The following CNEP1R1 variants were observed in gnomAD, a reference collection of about 807,000 sequenced individuals.
The protein encoded by CNEP1R1 is nuclear envelope phosphatase-regulatory subunit 1.
A neutral mutation model predicts 22.7 loss-of-function variants in CNEP1R1; 10 were observed. That is an observed-to-expected ratio of 0.44 (90% confidence interval 0.27 to 0.75). The LOEUF is 0.75. Among genes scored for constraint, CNEP1R1 ranks in the 30% least tolerant of loss-of-function variants. The probability of loss-of-function intolerance (pLI) is 0.17; values close to 1 mark genes in which losing one functional copy is unlikely to be tolerated. For synonymous variants in CNEP1R1, 53 were observed against 50.1 expected (o/e 1.06, Z -0.25); for missense variants, 73 against 151.5 (o/e 0.48, Z 2.72).
chr16:50,029,852 G>A (rs565729310), intron 3 of CNEP1R1, 54 bp downstream of exon 3: 2 of 1,003,240 alleles, frequency 2.0e-6, no homozygotes, highest in South Asian at 2.6e-5. Context: ...AATGGATATT[G>A]TAGTGCTTTG....
rs150062829 is a variant in CNEP1R1, at chr16:50,036,601, C to G, written c.*1143C>G. On this transcript the variant is annotated 3_prime_UTR_variant, in exon 6 of 6. Coordinates refer to ENST00000427478, the MANE Select transcript of CNEP1R1 (RefSeq NM_001281789.2). ...GTGTTGCACAGGTGTAATTGGTCAT[C>G]CTATGCCTTCACCAGAATAACTTGG... 6.6e-6 allele frequency: 1 copy of G among 152,316 alleles called. No homozygotes were observed. The highest frequency in any genetic ancestry group is 1.5e-5 in the Non-Finnish European group (1 of 68,048). The allele number at this position is 152,316 out of a possible 1,614,324, so 9.4% of individuals were successfully genotyped here. A position where few individuals can be genotyped will look rare whatever the true frequency, so the allele number is the denominator to read the frequency against.
intron 2 of CNEP1R1, among the ~76,000 whole-genome samples, chr16:50,027,156 C>G (rs561081966): frequency 6.6e-6 from 1 of 151,960 alleles, no homozygotes; most frequent in Non-Finnish European, 1.5e-5. Flanking sequence ...ATAATCCCAG[C>G]ACTTTGGGAG....
chr16:50,028,661 G>A (rs1362633), intron 2 of CNEP1R1, among the ~76,000 whole-genome samples: 94,716 of 151,996 alleles, frequency 0.62, 31,055 homozygotes, highest in South Asian at 0.72. Flanking sequence ...CATGGTCTTA[G>A]CACTTACTTG....
chr16:50,034,189 C>T, intron 5 of CNEP1R1, 33 bp downstream of exon 5: 1 of 1,480,214 alleles, frequency 6.8e-7, no homozygotes, highest in Non-Finnish European at 9.3e-7. Flanking sequence ...AATTATAGAC[C>T]TGCATGAAAA....
In CNEP1R1 at chr16:50,029,780, A is replaced by G; in HGVS notation, c.153A>G (p.Ile51Met). The G allele has an allele frequency of 6.2e-7, 1 of 1,602,476 alleles. No homozygotes were observed. Among genetic ancestry groups the G allele is most frequent in the African/African-American group, 1.3e-5 (1 of 74,820 alleles). ...CTACTGGTGCCTGGAACTGGTTAAT[A>G]GACCCTGAGACACAAAAGGTAGAAG... ...CTATGAWNWLIDPETQKVSFF... is the reference protein window; with the variant it reads ...CTATGAWNWLMDPETQKVSFF... The change falls in exon 3 of 6, where the codon ATA becomes ATG. Residue 51 changes from isoleucine (I) to methionine (M), a missense_variant. Ile to Met is a conservative substitution (Grantham distance 10). Coordinates refer to ENST00000427478, the MANE Select transcript of CNEP1R1 (RefSeq NM_001281789.2).
At chr16:50,027,498 A>G (rs1397885986) in intron 2 of CNEP1R1, among the ~76,000 whole-genome samples, 1 of 124,078 alleles carries the variant, frequency 8.1e-6, no homozygotes, top group African/African-American at 2.9e-5. Flanking sequence ...ACAGAGCGAG[A>G]CTCTGTCTCA....
chr16:50,027,490 A>G (rs2036195661), intron 2 of CNEP1R1, among the ~76,000 whole-genome samples: 1 of 145,390 alleles, frequency 6.9e-6, no homozygotes. Flanking sequence ...CCTGGGCGAC[A>G]GAGCGAGACT....
intron 2 of CNEP1R1, among the ~76,000 whole-genome samples, chr16:50,028,783 A>G (rs1190662842): frequency 6.6e-6 from 1 of 152,168 alleles, no homozygotes; most frequent in Admixed American, 6.5e-5. Flanking sequence ...ATTTCTGGAA[A>G]TACAGAATTG....
intron 3 of CNEP1R1, among the ~76,000 whole-genome samples, chr16:50,031,979 G>A (rs906960893): frequency 4.6e-5 from 7 of 152,168 alleles, no homozygotes; most frequent in South Asian, 2.1e-4. Context: ...GAAACTCCTC[G>A]GAGGTTTGAA....
chr16:50,025,433 A>T, intron 1 of CNEP1R1, 93 bp downstream of exon 1: 1 of 1,302,966 alleles, frequency 7.7e-7, no homozygotes, highest in African/African-American at 1.5e-5. Context: ...CCGCCCCGGG[A>T]GGAGGCCGCA....
At position 50,029,770 on chromosome 16, in the gene CNEP1R1, A is replaced by C; in HGVS notation, c.143A>C (p.Asn48Thr). 6.2e-7 allele frequency: 1 copy of C among 1,610,004 alleles called. No individual in the cohort carries two copies. The highest frequency in any genetic ancestry group is 8.5e-7 in the Non-Finnish European group (1 of 1,176,776). Residue 48 changes from asparagine (N) to threonine (T), a missense_variant, in exon 3 of 6, where the codon AAC (asparagine) becomes ACC (threonine). Transcript: ENST00000427478. ...GTCTGTACAGCTACTGGTGCCTGGA[A>C]CTGGTTAATAGACCCTGAGACACAA... ...VSVCTATGAW[N>T]WLIDPETQKV...
rs1597119765 is a variant in CNEP1R1 at position 50,034,397 on chromosome 16, A to G, written c.336+241A>G. The stretch of plus-strand genomic sequence containing the variant: ...TGACAATTTAATCTTTCTTAATGAC[A>G]TAAAATCATGATGCATCTTATAACT... On this transcript the variant is annotated intron_variant, in intron 5 of 5. Coordinates refer to ENST00000427478, the MANE Select transcript of CNEP1R1 (RefSeq NM_001281789.2). 2.2e-5 allele frequency: 11 copies of G among 496,010 alleles called. No homozygotes were observed. The East Asian group carries it at 3.6e-4, about 16-fold the overall frequency. The allele number at this position is 496,010 out of a possible 1,614,324, so 30.7% of individuals were successfully genotyped here.
chr16:50,025,287 A>G lies in CNEP1R1; in HGVS notation c.-29A>G, dbSNP rs965740497. 8 of 1,426,634 alleles carry G rather than the reference A, an allele frequency of 5.6e-6. No individual in the cohort carries two copies. In the African/African-American group the frequency reaches 6.0e-5, roughly 11 times the overall value. 88.4% of individuals were successfully genotyped at this position (1,426,634 alleles called of 1,614,324 possible). On this transcript the variant is annotated 5_prime_UTR_variant, in exon 1 of 6. Transcript: ENST00000427478. ...GCGGAAGCTGCGATGCGGACAGGGC[A>G]GCGGCGGTGACCCGAGCTGCCGCCC...
Position 50,028,315 on chromosome 16 carries a change from G to A in CNEP1R1, c.98-1410G>A, listed in dbSNP as rs569605424. On this transcript the variant is annotated intron_variant, in intron 2 of 5. Transcript: ENST00000427478. ...ATTTAGATTTAATTCCTATCAAGAA[G>A]GAAGTGTAGTAGCACACATTGAGGA... is the stretch of plus-strand genomic sequence containing the variant. Among the ~76,000 whole-genome samples the A allele has an allele frequency of 3.9e-5, 6 of 152,280 alleles. No individual in the cohort carries two copies. In the East Asian group the frequency reaches 1.2e-3, roughly 29 times the overall value.
chr16:50,026,304 C>T (rs2036182511), intron 1 of CNEP1R1, 92 bp from the exon 2 acceptor site: 1 of 843,404 alleles, frequency 1.2e-6, no homozygotes, highest in East Asian at 2.6e-5. Flanking sequence ...TTAAGAGTAT[C>T]TCACATGTCG....
chr16:50,027,885 G>GA (rs1293244284), intron 2 of CNEP1R1, among the ~76,000 whole-genome samples: 1 of 152,108 alleles, frequency 6.6e-6, no homozygotes, highest in Non-Finnish European at 1.5e-5. Flanking sequence ...AAATACATAG[G>GA]AAATGTGGAC....
At chr16:50,027,812 A>G (rs934024048) in intron 2 of CNEP1R1, among the ~76,000 whole-genome samples, 5 of 152,214 alleles carry the variant, frequency 3.3e-5, no homozygotes, top group African/African-American at 7.2e-5. Flanking sequence ...CATTATTACT[A>G]TCTATTCATA....
intron 5 of CNEP1R1, chr16:50,034,813 G>A (rs2041919): frequency 1 from 153,105 of 153,138 alleles, 76,536 homozygotes; most frequent in Middle Eastern, 1. Context: ...GAGGCAGGAG[G>A]ATTGCTTGAG....
chr16:50,025,540 A>G (rs2144269339), intron 1 of CNEP1R1, 200 bp downstream of exon 1: 1 of 1,188,600 alleles, frequency 8.4e-7, no homozygotes, highest in African/African-American at 1.5e-5. Flanking sequence ...GTCCCCACAA[A>G]CCTAGAGGGT....
Sources: gnomAD v4.1 joint callset for allele counts (sites outside exome capture counted in the v4.1 genomes callset) on GRCh38, gnomAD v4.1.1 for gene constraint, MANE v1.5 for transcripts, NCBI Gene and HGNC (gene_info 2026-07-23, HGNC 2026-07-21) for gene names.